KLF8: variants seen among roughly 807,000 people sequenced by gnomAD.
KLF8 encodes the protein Krueppel-like factor 8.
A neutral mutation model predicts 18.2 loss-of-function variants in KLF8; 10 were observed. The ratio of observed to expected loss-of-function variants is 0.55; its 90% CI spans 0.34 to 0.93. The LOEUF (loss-of-function observed/expected upper bound fraction) is 0.93. Among genes scored for constraint, KLF8 ranks in the 40% least tolerant of loss-of-function variants. The pLI is 0.02. For synonymous variants in KLF8, 109 were observed against 97.3 expected, an observed-to-expected ratio of 1.12 and a Z score of -0.71; for missense variants, 264 against 277.9, an observed-to-expected ratio of 0.95 and a Z score of 0.36.
chrX:56,219,007 TAAACA>T, the KLF8 span, among the ~76,000 whole-genome samples: 1 of 112,055 alleles, frequency 8.9e-6, no homozygotes, highest in Non-Finnish European at 1.9e-5. Context: ...ATTTTCACAC[TAAACA>T]AAACAACATT....
the KLF8 span, among the ~76,000 whole-genome samples, chrX:56,038,808 T>C: frequency 8.9e-6 from 1 of 112,609 alleles, no homozygotes; most frequent in Middle Eastern, 4.6e-3. Context: ...TACACAATGA[T>C]TGAACTAATG....
At chrX:56,196,972 G>T in the KLF8 span, among the ~76,000 whole-genome samples, 1 of 112,015 alleles carries the variant, frequency 8.9e-6, no homozygotes, top group Non-Finnish European at 1.9e-5. Context: ...CATGGAAACA[G>T]AACAACCTGC....
chrX:56,160,130 C>G, the KLF8 span, among the ~76,000 whole-genome samples: 2 of 111,623 alleles, frequency 1.8e-5, no homozygotes, highest in Non-Finnish European at 3.8e-5. Context: ...TTTTTTCTGC[C>G]TTCATTTCGT....
the KLF8 span, among the ~76,000 whole-genome samples, chrX:56,104,252 C>T: frequency 9.0e-6 from 1 of 111,642 alleles, no homozygotes; most frequent in Non-Finnish European, 1.9e-5. Flanking sequence ...AGGATTCCCT[C>T]TTTTTCTATT....
At chrX:56,163,432 T>C in the KLF8 span, among the ~76,000 whole-genome samples, 1 of 112,134 alleles carries the variant, frequency 8.9e-6, no homozygotes, top group Non-Finnish European at 1.9e-5. Flanking sequence ...GCCCACTTTT[T>C]AATGGAGTTG....
chrX:56,088,788 A>T, the KLF8 span, among the ~76,000 whole-genome samples: 1 of 111,168 alleles, frequency 9.0e-6, no homozygotes, highest in Non-Finnish European at 1.9e-5. Flanking sequence ...CAAGTCACAC[A>T]TGCTCCATTT....
the KLF8 span, among the ~76,000 whole-genome samples, chrX:55,976,023 C>A: frequency 9.0e-6 from 1 of 111,370 alleles, no homozygotes; most frequent in African/African-American, 3.3e-5. Flanking sequence ...GCAGGAGAAT[C>A]GCTTGAACCT....
At chrX:56,073,409 A>C in the KLF8 span, among the ~76,000 whole-genome samples, 1 of 111,913 alleles carries the variant, frequency 8.9e-6, no homozygotes, top group Non-Finnish European at 1.9e-5. Flanking sequence ...CTGCTGACAG[A>C]TTTGCGTTGT....
the KLF8 span, among the ~76,000 whole-genome samples, chrX:55,967,462 T>TTA: frequency 5.5e-5 from 6 of 109,880 alleles, no homozygotes; most frequent in Non-Finnish European, 9.5e-5. Context: ...TGGCATGTAT[T>TTA]TAAAGTGCTA....
At chrX:56,129,881 G>A in the KLF8 span, among the ~76,000 whole-genome samples, 2 of 110,291 alleles carry the variant, frequency 1.8e-5, no homozygotes, top group Non-Finnish European at 3.8e-5. Flanking sequence ...AGCTGGGTAA[G>A]GCCTGTAACT....
At chrX:55,978,694 TG>T in the KLF8 span, among the ~76,000 whole-genome samples, 3 of 111,733 alleles carry the variant, frequency 2.7e-5, no homozygotes, top group Non-Finnish European at 5.6e-5. Flanking sequence ...AGAAACAACC[TG>T]AGTTTTTATT....
chrX:56,184,574 A>T, the KLF8 span, among the ~76,000 whole-genome samples: 1 of 112,289 alleles, frequency 8.9e-6, no homozygotes, highest in Non-Finnish European at 1.9e-5. Context: ...TGCCTCCTCA[A>T]GTGCGTCCCT....
At chrX:56,217,478 G>T in the KLF8 span, among the ~76,000 whole-genome samples, 1 of 109,824 alleles carries the variant, frequency 9.1e-6, no homozygotes, top group African/African-American at 3.3e-5. Context: ...GCGGTGGTGC[G>T]ATCTTGGGTC....
chrX:55,943,511 A>C, the KLF8 span, among the ~76,000 whole-genome samples: 4 of 111,603 alleles, frequency 3.6e-5, no homozygotes, highest in Admixed American at 3.8e-4. Flanking sequence ...GATGACTAGC[A>C]GCTGAATTTT....
At chrX:56,181,724 A>C in the KLF8 span, among the ~76,000 whole-genome samples, 1 of 110,470 alleles carries the variant, frequency 9.1e-6, no homozygotes, top group African/African-American at 3.3e-5. Context: ...ATTTATGAAG[A>C]TTAGTTTGGC....
At chrX:56,052,606 G>A in the KLF8 span, among the ~76,000 whole-genome samples, 16 of 111,963 alleles carry the variant, frequency 1.4e-4, no homozygotes, top group African/African-American at 5.2e-4. Context: ...GGACCCACTT[G>A]AGGAAGCAGT....
the KLF8 span, among the ~76,000 whole-genome samples, chrX:56,128,935 GTGTC>G: frequency 9.6e-6 from 1 of 103,873 alleles, no homozygotes; most frequent in South Asian, 4.7e-4. Context: ...TGAAAATTGA[GTGTC>G]TGCAATGTGC....
the KLF8 span, among the ~76,000 whole-genome samples, chrX:56,154,225 A>G: frequency 8.9e-6 from 1 of 111,900 alleles, no homozygotes; most frequent in Non-Finnish European, 1.9e-5. Context: ...TACTGGTACC[A>G]AAACAGCATG....
chrX:56,055,606 G>T, the KLF8 span, among the ~76,000 whole-genome samples: 1 of 111,641 alleles, frequency 9.0e-6, no homozygotes, highest in Non-Finnish European at 1.9e-5. Flanking sequence ...TTGCGTTTTG[G>T]CCTCTCTAGC....
Sources: allele counts gnomAD v4.1 joint callset (sites outside exome capture counted in the v4.1 genomes callset), GRCh38; gene constraint gnomAD v4.1.1; transcripts MANE v1.5; gene names NCBI Gene and HGNC (gene_info 2026-07-23, HGNC 2026-07-21).